NOTCH3: variants seen among roughly 807,000 people sequenced by gnomAD.
NOTCH3 encodes the protein notch receptor 3.
A neutral mutation model predicts 213.3 loss-of-function variants in NOTCH3; 86 were observed. The observed-to-expected ratio is 0.40, with a 90% CI of 0.34 to 0.48. The LOEUF (loss-of-function observed/expected upper bound fraction) is 0.48. Ranked by LOEUF, NOTCH3 falls within the 20% of genes least tolerant of loss-of-function variation. The pLI is 0.57. For missense variants in NOTCH3, 2,783 were observed against 3,272.6 expected (o/e 0.85, Z 3.65); for synonymous variants, 1,354 against 1,355.9 (o/e 1.00, Z 0.03).
At chr19:15,193,795 A>C (rs1050705839) in intron 2 of NOTCH3, among the ~76,000 whole-genome samples, 2 of 130,372 alleles carry the variant, frequency 1.5e-5, no homozygotes, top group East Asian at 4.7e-4. Flanking sequence ...AACAAAAAAA[A>C]CAAACAGGCC....
Position 15,179,401 on chromosome 19 carries a change from C to T in NOTCH3, c.3423G>A (p.Val1141=), listed in dbSNP as rs2046820265. The T allele has an allele frequency of 1.2e-6, 2 of 1,614,034 alleles. No homozygotes were observed. Among genetic ancestry groups the T allele is most frequent in the Non-Finnish European group, 1.7e-6 (2 of 1,180,038 alleles). The change falls in exon 21 of 33, where the codon GTG becomes GTA. Residue 1141 remains valine, a synonymous_variant. Coordinates refer to ENST00000263388, the MANE Select transcript of NOTCH3 (RefSeq NM_000435.3). ...GGGGACAGGAGCAGAGATAGCGGGCCACGAGGTCAATGCATGAACCCCCGT... is the reference window on the plus strand; with the variant it reads ...GGGGACAGGAGCAGAGATAGCGGGCTACGAGGTCAATGCATGAACCCCCGT... The part of the protein sequence containing the change: ...CQHGGSCIDL[V]ARYLCSCPPG...
intron 19 of NOTCH3, 99 bp downstream of exon 19, chr19:15,180,582 T>G (rs969533728): frequency 2.2e-6 from 3 of 1,389,344 alleles, no homozygotes; most frequent in African/African-American, 1.4e-5. Context: ...TCATGCCCCA[T>G]AGGCTCTGTG....
In NOTCH3 at chr19:15,185,014, G is replaced by T; in HGVS notation, c.2302C>A (p.Gln768Lys). 6.7e-7 allele frequency: 1 copy of T among 1,494,626 alleles called. No homozygotes were observed. The highest frequency in any genetic ancestry group is 9.1e-7 in the Non-Finnish European group (1 of 1,104,672). 92.6% of individuals were successfully genotyped at this position (1,494,626 alleles called of 1,614,324 possible). The change falls in exon 15 of 33, where the codon CAG becomes AAG. Residue 768 changes from glutamine to lysine, a missense_variant. Physicochemically the swap from Gln to Lys is moderately conservative, Grantham distance 53 (BLOSUM62 1). Coordinates refer to ENST00000263388, the MANE Select transcript of NOTCH3 (RefSeq NM_000435.3). This position sits in a 1 kb window ranked among gnomAD's most constrained non-coding sequence, Gnocchi z 4.2. ...CTCPPGVQGR[Q>K]CELLSPCTPN... ...GTGCAGGGGGAGAGGAGTTCACACTGACGTCCTGTTGGGGGTGGAAGAGAG... is the reference window on the plus strand; with the variant it reads ...GTGCAGGGGGAGAGGAGTTCACACTTACGTCCTGTTGGGGGTGGAAGAGAG...
chr19:15,198,075 A>G (rs1013703261), intron 1 of NOTCH3, among the ~76,000 whole-genome samples: 7 of 152,312 alleles, frequency 4.6e-5, no homozygotes, highest in Non-Finnish European at 8.8e-5. Context: ...GAGAGGGACC[A>G]AGGCATGTAC....
At chr19:15,190,057 T>C (rs894664073) in intron 6 of NOTCH3, among the ~76,000 whole-genome samples, 6 of 151,988 alleles carry the variant, frequency 3.9e-5, no homozygotes, top group African/African-American at 1.4e-4. Flanking sequence ...AGTGCATCGC[T>C]TGAGTTCAAG....
At position 15,180,202 on chromosome 19, in the gene NOTCH3, C is replaced by T; in HGVS notation, c.3197G>A (p.Ser1066Asn). The T allele has an allele frequency of 6.2e-7, 1 of 1,613,852 alleles. No homozygotes were observed. The highest frequency in any genetic ancestry group is 8.5e-7 in the Non-Finnish European group (1 of 1,179,994). ...QAGGQCVDED[S>N]SHYCVCPEGR... ...CTCTGGGCACACGCAGTAGTGGGAG[C>T]TGTCTTCATCCACACACTGCCCACC... The change falls in exon 20 of 33, where the codon AGC becomes AAC. Residue 1066 changes from serine (S) to asparagine (N), a missense_variant. Ser to Asn is a conservative substitution (Grantham distance 46, BLOSUM62 1). Transcript: ENST00000263388.
chr19:15,189,217 AC>A, intron 7 of NOTCH3, 43 bp from the exon 8 acceptor site: 1 of 1,611,856 alleles, frequency 6.2e-7, no homozygotes, highest in Non-Finnish European at 8.5e-7. Context: ...GCTGGCCGGG[AC>A]CCCCTCCTCT....
At chr19:15,178,679 C>T (rs918533665) in intron 23 of NOTCH3, 144 bp downstream of exon 23, 1 of 707,040 alleles carries the variant, frequency 1.4e-6, no homozygotes. Context: ...GCTACCACAC[C>T]CGGCGGAAAT....
In NOTCH3 at chr19:15,161,982, CTTTTT is replaced by C. The variant is rs71168583; in HGVS notation, c.5914-273_5914-269del. Among the ~76,000 whole-genome samples, 9 of 114,702 alleles carry C rather than the reference CTTTTT, an allele frequency of 7.8e-5. No homozygotes were observed. The East Asian group carries it at 1.2e-3, about 16-fold the overall frequency. 75.2% of individuals were successfully genotyped at this position (114,702 alleles called of 152,430 possible). A position where few individuals can be genotyped will look rare whatever the true frequency, so the allele number is the denominator to read the frequency against. On this transcript the variant is annotated intron_variant, in intron 32 of 32. Coordinates refer to ENST00000263388, the MANE Select transcript of NOTCH3 (RefSeq NM_000435.3). ...TTAGGCATAACTTTTTTTTTCTTGT[CTTTTT>C]TTTTTTTTTTTTTTGACAGAGTCTC...
At chr19:15,180,393 TC>T (rs1167725089) in intron 19 of NOTCH3, 137 bp from the exon 20 acceptor site, 6 of 1,012,006 alleles carry the variant, frequency 5.9e-6, no homozygotes, top group Non-Finnish European at 7.5e-6. Context: ...TTGTCACACA[TC>T]CCCCCAGCAG....
rs878865651 is a variant in NOTCH3 at position 15,160,807 on chromosome 19, G to T, written c.6821C>A (p.Ala2274Asp). ...GGTGGCCATGGCCCCAGTGGCAGTG[G>T]CTGGGCTAGGCGTGGATTCGGACCA... Reference protein sequence around the residue: ...SDWSESTPSPATATGAMATTT... With the variant: ...SDWSESTPSPDTATGAMATTT... The change falls in exon 33 of 33, where the codon GCC (alanine) becomes GAC (aspartate). Residue 2274 changes from alanine (A) to aspartate (D), a missense_variant. Around this residue, in one of 6 missense-constraint regions of NOTCH3, gnomAD observed 441 missense variants for 432.1 expected, o/e 1.02. Coordinates refer to ENST00000263388, the MANE Select transcript of NOTCH3 (RefSeq NM_000435.3). 6.2e-7 allele frequency: 1 copy of T among 1,614,056 alleles called. No individual in the cohort carries two copies. Among genetic ancestry groups the T allele is most frequent in the Non-Finnish European group, 8.5e-7 (1 of 1,179,918 alleles).
chr19:15,160,666 G>A lies in NOTCH3; in HGVS notation c.6962C>T (p.Ala2321Val), dbSNP rs781500775. Residue 2321 changes from alanine to valine, a missense_variant, in exon 33 of 33, where the codon GCC (alanine) becomes GTC (valine). This residue lies in a region of NOTCH3 where 441 missense variants were observed against 432.1 expected (regional missense o/e 1.02). Coordinates refer to ENST00000263388, the MANE Select transcript of NOTCH3 (RefSeq NM_000435.3). ...ATCTAAGAACTGACGAGCGTCTCAG[G>A]CCAACACTTGCCTCTTGGGGGTAAC... ...PEVTPKRQVLA is the reference protein window; with the variant it reads ...PEVTPKRQVLV 2.5e-6 allele frequency: 4 copies of A among 1,613,396 alleles called. No individual in the cohort carries two copies. Among genetic ancestry groups the A allele is most frequent in the Non-Finnish European group, 3.4e-6 (4 of 1,179,302 alleles).
chr19:15,175,549 A>AT (rs2046780597), intron 24 of NOTCH3, among the ~76,000 whole-genome samples: 4 of 54,408 alleles, frequency 7.4e-5, no homozygotes, highest in South Asian at 6.5e-4. Context: ...AAAAAAAAAA[A>AT]AAAATACATA....
At position 15,167,285 on chromosome 19, in the gene NOTCH3, C is replaced by T; in HGVS notation, c.5326G>A (p.Asp1776Asn). The change falls in exon 29 of 33, where the codon GAT becomes AAT. Residue 1776 changes from aspartate (D) to asparagine (N), a missense_variant. This residue lies in a region of NOTCH3 where 636 missense variants were observed against 801.8 expected (regional missense o/e 0.79). Coordinates refer to ENST00000263388, the MANE Select transcript of NOTCH3 (RefSeq NM_000435.3). The part of the protein sequence containing the change: ...MALTPPQGDA[D>N]ADGMDVNVRG... ...ACATTGACATCCATGCCATCAGCAT[C>T]TGCGTCGCCCTGTGGTGGTGTCAGT... 1 of 1,613,486 alleles carries T rather than the reference C, an allele frequency of 6.2e-7. No individual in the cohort carries two copies. The highest frequency in any genetic ancestry group is 8.5e-7 in the Non-Finnish European group (1 of 1,179,692).
chr19:15,197,441 G>GGGCCCCCCCCCCCCCC, intron 2 of NOTCH3, 59 bp downstream of exon 2: 12 of 768,324 alleles, frequency 1.6e-5, no homozygotes, highest in Admixed American at 4.0e-5. Context: ...AAGACAAATC[G>GGGCCCCCCCCCCCCCC]CCCCTCCCCC....
intron 2 of NOTCH3, among the ~76,000 whole-genome samples, chr19:15,194,457 A>C (rs977307433): frequency 2.6e-5 from 4 of 152,190 alleles, no homozygotes; most frequent in African/African-American, 9.7e-5. Context: ...GAACTTCAAG[A>C]GAATAAATTA....
At chr19:15,194,517 GA>G (rs2046954532) in intron 2 of NOTCH3, among the ~76,000 whole-genome samples, 1 of 152,184 alleles carries the variant, frequency 6.6e-6, no homozygotes, top group South Asian at 2.1e-4. Context: ...GCAGCCGTAG[GA>G]AGCTAAACCA....
chr19:15,179,649 A>ATCACTTT, intron 20 of NOTCH3, 153 bp from the exon 21 acceptor site: 1 of 783,524 alleles, frequency 1.3e-6, no homozygotes. Flanking sequence ...TGGGAGGCCG[A>ATCACTTT]GGTGGGCAGA....
chr19:15,161,821 T>C (rs974060405), intron 32 of NOTCH3, 107 bp from the exon 33 acceptor site: 30 of 939,284 alleles, frequency 3.2e-5, no homozygotes, highest in Admixed American at 7.3e-5. Context: ...CACTGGAGCT[T>C]GACAGACCTG....
Sources: gnomAD v4.1 joint callset for allele counts (sites outside exome capture counted in the v4.1 genomes callset) on GRCh38, gnomAD v4.1.1 for gene constraint, gnomAD v4.1.1 regional missense constraint, Gnocchi (gnomAD v3.1) non-coding constraint, MANE v1.5 for transcripts, NCBI Gene and HGNC (gene_info 2026-07-23, HGNC 2026-07-21) for gene names.